CD244: variants seen among roughly 807,000 people sequenced by gnomAD.
CD244 encodes natural killer cell receptor 2B4.
Under a neutral mutation model 45.5 loss-of-function variants are expected in CD244, and 20 were observed. The observed-to-expected ratio is 0.44, with a 90% CI of 0.31 to 0.64. The LOEUF (loss-of-function observed/expected upper bound fraction) is 0.64. CD244 is among the 30% of genes least tolerant of loss of function. The pLI is 0.08. For missense variants in CD244, 407 were observed against 426.9 expected (o/e 0.95, Z 0.41); for synonymous variants, 185 against 160.5 (o/e 1.15, Z -1.15).
At chr1:160,834,419 G>A (rs539539914) in intron 6 of CD244, among the ~76,000 whole-genome samples, 13 of 152,204 alleles carry the variant, frequency 8.5e-5, no homozygotes, top group African/African-American at 2.9e-4. Flanking sequence ...GCAATGTCTC[G>A]ATCTTGGCTC....
At chr1:160,843,890 A>G (rs188552490) in intron 1 of CD244, among the ~76,000 whole-genome samples, 3 of 152,362 alleles carry the variant, frequency 2.0e-5, no homozygotes, top group Non-Finnish European at 2.9e-5. Flanking sequence ...AGAGCTCACA[A>G]TAAAACTCAA....
At chr1:160,843,888 C>A (rs377416200) in intron 1 of CD244, among the ~76,000 whole-genome samples, 3 of 152,252 alleles carry the variant, frequency 2.0e-5, no homozygotes, top group African/African-American at 7.2e-5. Flanking sequence ...GCAGAGCTCA[C>A]AATAAAACTC....
At position 160,862,765 on chromosome 1, in the gene CD244, G is replaced by A; in HGVS notation, c.-88C>T. 1 of 1,183,240 alleles carries A rather than the reference G, an allele frequency of 8.5e-7. No homozygotes were observed. Among genetic ancestry groups the A allele is most frequent in the South Asian group, 1.3e-5 (1 of 75,620 alleles). The allele number at this position is 1,183,240 out of a possible 1,614,324, so 73.3% of individuals were successfully genotyped here. ...GCTCAGCAGTCCCCAGTCAGCAAGA[G>A]GACGATGGGGAGCAGAACTGCCTTG... On this transcript the variant is annotated 5_prime_UTR_variant, in exon 1 of 9. Transcript: ENST00000368034.
At chr1:160,838,195 C>T (rs1669398238) in intron 5 of CD244, among the ~76,000 whole-genome samples, 2 of 152,200 alleles carry the variant, frequency 1.3e-5, no homozygotes, top group South Asian at 4.1e-4. Flanking sequence ...GTGCTCCATC[C>T]CTTCTCAGCA....
Position 160,850,756 on chromosome 1 carries a change from C to T in CD244, c.62-8855G>A, listed in dbSNP as rs182024199. On this transcript the variant is annotated intron_variant, in intron 1 of 8. Transcript: ENST00000368034. ...TGACCAACGTGTGGGGAGTTTCCCACGTGCCAAGCAAGCAATCAGCTCTTC... is the reference window on the plus strand; with the variant it reads ...TGACCAACGTGTGGGGAGTTTCCCATGTGCCAAGCAAGCAATCAGCTCTTC... Among the ~76,000 whole-genome samples the T allele has an allele frequency of 5.9e-5, 9 of 152,284 alleles. No individual in the cohort carries two copies. In the East Asian group the frequency reaches 7.7e-4, roughly 13 times the overall value.
intron 5 of CD244, 69 bp from the exon 6 acceptor site, chr1:160,836,323 G>T: frequency 8.2e-7 from 1 of 1,221,480 alleles, no homozygotes; most frequent in Non-Finnish European, 1.2e-6. Flanking sequence ...ATTGAGTGGG[G>T]AAAAACAGCA....
chr1:160,840,669 T>C (rs61801959), intron 3 of CD244, among the ~76,000 whole-genome samples: 95 of 152,290 alleles, frequency 6.2e-4, no homozygotes, highest in Non-Finnish European at 1.3e-3. Context: ...ATAATGCCCA[T>C]GCTGCTGGTA....
At chr1:160,850,232 A>T (rs1669874164) in intron 1 of CD244, among the ~76,000 whole-genome samples, 1 of 152,132 alleles carries the variant, frequency 6.6e-6, no homozygotes, top group Admixed American at 6.5e-5. Flanking sequence ...ACAGCAGCAC[A>T]AAAAAGATAA....
At chr1:160,862,414 G>A (rs1670342847) in intron 1 of CD244, among the ~76,000 whole-genome samples, 1 of 152,162 alleles carries the variant, frequency 6.6e-6, no homozygotes, top group Non-Finnish European at 1.5e-5. Context: ...CTGGTGGCAG[G>A]GCCAGATACC....
chr1:160,831,994 C>T (rs1180327851), intron 8 of CD244, among the ~76,000 whole-genome samples: 4 of 152,152 alleles, frequency 2.6e-5, no homozygotes, highest in Admixed American at 6.5e-5. Flanking sequence ...CCATAATAAA[C>T]CCCCAAGAAA....
At position 160,862,856 on chromosome 1, in the gene CD244, A is replaced by G. The variant is rs12036607; in HGVS notation, c.-179T>C. Reference sequence around the variant, plus strand: ...ACGCCTGCTGTGAGCTGACAAGGCCACTGAGAAAGCCCCAGCGCCTGGAGC... The same window carrying G: ...ACGCCTGCTGTGAGCTGACAAGGCCGCTGAGAAAGCCCCAGCGCCTGGAGC... On this transcript the variant is annotated 5_prime_UTR_variant, in exon 1 of 9. Transcript: ENST00000368034. 114,687 of 501,824 alleles carry G rather than the reference A, an allele frequency of 0.23. 14,461 individuals are homozygous for G. Among genetic ancestry groups the G allele is most frequent in the East Asian group, 0.38 (12,058 of 31,722 alleles). The allele number at this position is 501,824 out of a possible 1,614,324, so 31.1% of individuals were successfully genotyped here. A position where few individuals can be genotyped will look rare whatever the true frequency, so the allele number is the denominator to read the frequency against.
chr1:160,857,345 A>G (rs1329635922), intron 1 of CD244, among the ~76,000 whole-genome samples: 1 of 152,232 alleles, frequency 6.6e-6, no homozygotes, highest in African/African-American at 2.4e-5. Flanking sequence ...AAGGCTCATC[A>G]CAGCATTATT....
At chr1:160,837,277 T>C (rs1669366992) in intron 5 of CD244, among the ~76,000 whole-genome samples, 1 of 152,196 alleles carries the variant, frequency 6.6e-6, no homozygotes, top group African/African-American at 2.4e-5. Context: ...TGTGGTCTCC[T>C]AATCTCAAGT....
Position 160,831,205 on chromosome 1 carries a change from A to G in CD244, c.*142T>C, listed in dbSNP as rs1669101937. 3.0e-6 allele frequency: 2 copies of G among 662,878 alleles called. No individual in the cohort carries two copies. The highest frequency in any genetic ancestry group is 3.6e-5 in the African/African-American group (2 of 55,566). 41.1% of individuals were successfully genotyped at this position (662,878 alleles called of 1,614,324 possible). A position where few individuals can be genotyped will look rare whatever the true frequency, so the allele number is the denominator to read the frequency against. On this transcript the variant is annotated 3_prime_UTR_variant, in exon 9 of 9. Transcript: ENST00000368034. The stretch of plus-strand genomic sequence containing the variant: ...TCATGGTTGTTAGACATCATTTTCA[A>G]AACAAAATATAGAACAAGAACAAAT...
chr1:160,841,882 G>A lies in CD244; in HGVS notation c.81C>T (p.Asp27=), dbSNP rs371837392. The change falls in exon 2 of 9, where the codon GAC becomes GAT. Residue 27 remains aspartate (D), a synonymous_variant. Transcript: ENST00000368034. ...YQGKGCQGSA[D]HVVSISGVPL... is the part of the protein sequence containing the mutation. ...GCACTCCCGAGATGCTAACCACATG[G>A]TCAGCTGATCCCTGGCATCCTAGGA... The A allele has an allele frequency of 8.1e-6, 13 of 1,613,882 alleles. No homozygotes were observed. The highest frequency in any genetic ancestry group is 1.1e-5 in the Non-Finnish European group (13 of 1,179,956).
At position 160,854,071 on chromosome 1, in the gene CD244, C is replaced by T. The variant is rs558524047; in HGVS notation, c.61+8546G>A. Among the ~76,000 whole-genome samples, 10 of 152,180 alleles carry T rather than the reference C, an allele frequency of 6.6e-5. No homozygotes were observed. The South Asian group carries it at 1.9e-3, about 28-fold the overall frequency. ...CATGGTTAAGGGAACACAAAACACA[C>T]GTGTGGCTTATGGGTCTGGTAAAGA... On this transcript the variant is annotated intron_variant, in intron 1 of 8. Transcript: ENST00000368034.
chr1:160,861,477 C>T (rs1164595305), intron 1 of CD244, among the ~76,000 whole-genome samples: 1 of 152,164 alleles, frequency 6.6e-6, no homozygotes, highest in East Asian at 1.9e-4. Flanking sequence ...CCAGAGTGTA[C>T]CCTCCTCTAA....
Position 160,841,839 on chromosome 1 carries a change from T to C in CD244, c.124A>G (p.Asn42Asp). The C allele has an allele frequency of 6.2e-7, 1 of 1,614,102 alleles. No homozygotes were observed. The highest frequency in any genetic ancestry group is 8.5e-7 in the Non-Finnish European group (1 of 1,180,008). Residue 42 changes from asparagine to aspartate, a missense_variant, in exon 2 of 9, where the codon AAC becomes GAC. Coordinates refer to ENST00000368034, the MANE Select transcript of CD244 (RefSeq NM_016382.4). ...ISGVPLQLQP[N>D]SIQTKVDSIA... ...CTGTCAACCTTCGTCTGTATGCTGT[T>C]TGGTTGTAACTGAAGAGGCACTCCC...
chr1:160,852,647 T>G (rs1669957629), intron 1 of CD244, among the ~76,000 whole-genome samples: 1 of 152,216 alleles, frequency 6.6e-6, no homozygotes, highest in Non-Finnish European at 1.5e-5. Context: ...TGTAAATTGG[T>G]ACCAGCACTT....
Sources: allele counts gnomAD v4.1 joint callset (sites outside exome capture counted in the v4.1 genomes callset), GRCh38; gene constraint gnomAD v4.1.1; transcripts MANE v1.5; gene names NCBI Gene and HGNC (gene_info 2026-07-23, HGNC 2026-07-21).